CDH7: variants seen among roughly 807,000 people sequenced by gnomAD.
CDH7 encodes the protein cadherin 7.
A neutral mutation model predicts 71.8 loss-of-function variants in CDH7; 25 were observed. That is an observed-to-expected ratio of 0.35 (90% confidence interval 0.25 to 0.49). The LOEUF (loss-of-function observed/expected upper bound fraction) is 0.49, where lower values mean the gene tolerates loss of function less well. Ranked by LOEUF, CDH7 falls within the 20% of genes least tolerant of loss-of-function variation. The pLI is 0.99. For missense variants in CDH7, 862 were observed against 974.6 expected (o/e 0.88, Z 1.54); for synonymous variants, 381 against 363.8 (o/e 1.05, Z -0.54).
At chr18:65,790,372 C>T (rs952078739) in intron 2 of CDH7, among the ~76,000 whole-genome samples, 5 of 151,794 alleles carry the variant, frequency 3.3e-5, no homozygotes, top group African/African-American at 2.4e-5. Context: ...TAATGTCTCT[C>T]GATAAAGAAG....
At chr18:65,857,253 T>G (rs2244074) in intron 7 of CDH7, among the ~76,000 whole-genome samples, 11 of 149,688 alleles carry the variant, frequency 7.3e-5, no homozygotes, top group Non-Finnish European at 1.0e-4. Flanking sequence ...GAGTCTGAGA[T>G]GGAAGGGTCA....
At position 65,763,035 on chromosome 18, in the gene CDH7, C is replaced by T; in HGVS notation, c.193C>T (p.Pro65Ser). 2 of 1,611,824 alleles carry T rather than the reference C, an allele frequency of 1.2e-6. No individual in the cohort carries two copies. The highest frequency in any genetic ancestry group is 1.7e-6 in the Non-Finnish European group (2 of 1,178,654). The change falls in exon 2 of 12, where the codon CCC becomes TCC. Residue 65 changes from proline to serine, a missense_variant. Coordinates refer to ENST00000397968, the MANE Select transcript of CDH7 (RefSeq NM_004361.5). ...GCTGGAGGAATACATGGGTTCAGAC[C>T]CCCTCTATGTAGGAAAGGTAGGGTA... Reference protein sequence around the residue: ...FVLEEYMGSDPLYVGKLHSDV... With the variant: ...FVLEEYMGSDSLYVGKLHSDV...
intron 2 of CDH7, among the ~76,000 whole-genome samples, chr18:65,777,538 A>C (rs1220817865): frequency 6.6e-6 from 1 of 151,978 alleles, no homozygotes; most frequent in African/African-American, 2.4e-5. Context: ...AAGCAGAAGC[A>C]TCTGGTTAAG....
intron 7 of CDH7, among the ~76,000 whole-genome samples, chr18:65,855,229 CA>C (rs1295446815): frequency 6.6e-6 from 1 of 150,928 alleles, no homozygotes; most frequent in Non-Finnish European, 1.5e-5. Context: ...AGAAATAAAA[CA>C]ATAAAGATAA....
chr18:65,837,624 GATTT>G (rs1912576662), intron 6 of CDH7, among the ~76,000 whole-genome samples: 1 of 152,038 alleles, frequency 6.6e-6, no homozygotes, highest in Non-Finnish European at 1.5e-5. Flanking sequence ...GCAGAAAAAA[GATTT>G]ACAATGACGA....
intron 2 of CDH7, among the ~76,000 whole-genome samples, chr18:65,787,910 C>T (rs760551062): frequency 4.6e-5 from 7 of 151,992 alleles, no homozygotes; most frequent in Non-Finnish European, 8.8e-5. Flanking sequence ...TAAGAGAAAG[C>T]GAGTAACCAG....
At position 65,882,576 on chromosome 18, in the gene CDH7, T is replaced by TG. The variant is rs1207956241; in HGVS notation, c.*1683dup. ...GCAGCCCAACTTTAGAAATGAAGTA[T>TG]GTAAAAGTGGCCTTCAACTTCATAA... On this transcript the variant is annotated 3_prime_UTR_variant, in exon 12 of 12. Coordinates refer to ENST00000397968, the MANE Select transcript of CDH7 (RefSeq NM_004361.5). 6.6e-6 allele frequency: 1 copy of TG among 152,114 alleles called. No homozygotes were observed. Among genetic ancestry groups the TG allele is most frequent in the African/African-American group, 2.4e-5 (1 of 41,446 alleles). 9.4% of individuals were successfully genotyped at this position (152,114 alleles called of 1,614,324 possible).
At chr18:65,756,003 C>T (rs1256530071) in intron 1 of CDH7, among the ~76,000 whole-genome samples, 1 of 151,992 alleles carries the variant, frequency 6.6e-6, no homozygotes, top group Non-Finnish European at 1.5e-5. Flanking sequence ...AAACAAAAAA[C>T]AAAACAAAAC....
chr18:65,845,166 AAGT>A (rs1489329608), intron 7 of CDH7, among the ~76,000 whole-genome samples: 4 of 149,244 alleles, frequency 2.7e-5, no homozygotes, highest in Admixed American at 1.3e-4. Flanking sequence ...ACATATTTTA[AAGT>A]AGTATATATA....
In CDH7 at chr18:65,778,529, C is replaced by CTTTTTTTTTTTTTTTTTTTTTTT. The variant is rs1156727313; in HGVS notation, c.210+15497_210+15498insTTTTTTTTTTTTTTTTTTTTTTT. 2.8e-4 allele frequency among the ~76,000 whole-genome samples: 24 copies of CTTTTTTTTTTTTTTTTTTTTTTT among 84,318 alleles called. 1 individual carries two copies. Among genetic ancestry groups the CTTTTTTTTTTTTTTTTTTTTTTT allele is most frequent in the Non-Finnish European group, 3.8e-4 (16 of 42,332 alleles). 55.3% of individuals were successfully genotyped at this position (84,318 alleles called of 152,430 possible). A position where few individuals can be genotyped will look rare whatever the true frequency, so the allele number is the denominator to read the frequency against. On this transcript the variant is annotated intron_variant, in intron 2 of 11. Transcript: ENST00000397968. ...AATTTTTTGCCCCAGGCGTCTCACT[C>CTTTTTTTTTTTTTTTTTTTTTTT]TTTTTTTTTTTTTTTTTTTTACATA...
At chr18:65,814,690 AATAAC>A (rs1189323801) in intron 4 of CDH7, 86 bp downstream of exon 4, 6 of 1,165,806 alleles carry the variant, frequency 5.1e-6, no homozygotes, top group African/African-American at 1.6e-5. Context: ...AGTTGACACT[AATAAC>A]ATACCATTTT....
chr18:65,781,769 TCCTTC>T (rs1910203284), intron 2 of CDH7, among the ~76,000 whole-genome samples: 2 of 78,794 alleles, frequency 2.5e-5, no homozygotes, highest in African/African-American at 1.0e-4. Flanking sequence ...TTTCTTTCTT[TCCTTC>T]CTTCCTTCCT....
At chr18:65,857,741 A>C (rs1437195401) in intron 7 of CDH7, 75 bp from the exon 8 acceptor site, 1 of 1,425,068 alleles carries the variant, frequency 7.0e-7, no homozygotes, top group African/African-American at 1.4e-5. Context: ...AGCTACACAA[A>C]TAATGAAATA....
intron 2 of CDH7, among the ~76,000 whole-genome samples, chr18:65,806,512 G>C (rs1340784762): frequency 6.6e-6 from 1 of 151,976 alleles, no homozygotes; most frequent in Non-Finnish European, 1.5e-5. Context: ...ACAAATACTT[G>C]TCTTTGGTTG....
chr18:65,825,854 A>G (rs1425429678), intron 6 of CDH7, among the ~76,000 whole-genome samples: 1 of 151,812 alleles, frequency 6.6e-6, no homozygotes, highest in Non-Finnish European at 1.5e-5. Context: ...AGAGTAGGCC[A>G]ACTGTTGGTA....
chr18:65,777,002 T>A (rs1909971693), intron 2 of CDH7, among the ~76,000 whole-genome samples: 1 of 152,104 alleles, frequency 6.6e-6, no homozygotes, highest in Non-Finnish European at 1.5e-5. Context: ...TTTACTGACA[T>A]GTAGAGGGAG....
At chr18:65,824,589 A>T (rs1287557065) in intron 5 of CDH7, 55 bp from the exon 6 acceptor site, 3 of 1,191,942 alleles carry the variant, frequency 2.5e-6, no homozygotes, top group Non-Finnish European at 3.4e-6. Context: ...CAATATTTAA[A>T]TTTTTATTGG....
chr18:65,772,306 T>C (rs1916567466), intron 2 of CDH7, among the ~76,000 whole-genome samples: 1 of 152,200 alleles, frequency 6.6e-6, no homozygotes, highest in Non-Finnish European at 1.5e-5. Flanking sequence ...CACTTGATTC[T>C]TTGAAATGAA....
intron 6 of CDH7, among the ~76,000 whole-genome samples, chr18:65,840,459 G>A (rs146530869): frequency 6.6e-6 from 1 of 151,802 alleles, no homozygotes; most frequent in South Asian, 2.1e-4. Context: ...TTATATGTAT[G>A]ATATGTTTGG....
Sources: gnomAD v4.1 joint callset for allele counts (sites outside exome capture counted in the v4.1 genomes callset) on GRCh38, gnomAD v4.1.1 for gene constraint, MANE v1.5 for transcripts, NCBI Gene and HGNC (gene_info 2026-07-23, HGNC 2026-07-21) for gene names.